Variants in MEGF10 observed in about 807,000 individuals in gnomAD.
The protein encoded by MEGF10 is multiple EGF like domains 10.
In MEGF10, 86 loss-of-function variants were observed where a neutral mutation model predicts 147.5. That is an observed-to-expected ratio of 0.58 (90% CI 0.49 to 0.70). The LOEUF (loss-of-function observed/expected upper bound fraction) is 0.70. Among genes scored for constraint, MEGF10 ranks in the 30% least tolerant of loss-of-function variants. The pLI is 0.00. For missense variants in MEGF10, 1,329 were observed against 1,487.3 expected (o/e 0.89, Z 1.75); for synonymous variants, 478 against 525.5 (o/e 0.91, Z 1.24).
At chr5:127,307,876 G>A (rs561147769) in intron 1 of MEGF10, among the ~76,000 whole-genome samples, 2 of 152,360 alleles carry the variant, frequency 1.3e-5, no homozygotes, top group African/African-American at 4.8e-5. Context: ...GGAGTGTGGT[G>A]TGTAAACCCC....
the MEGF10 span, among the ~76,000 whole-genome samples, chr5:127,240,536 A>G: frequency 1.3e-5 from 2 of 152,178 alleles, no homozygotes; most frequent in Non-Finnish European, 2.9e-5. Context: ...CTTCAAAAGG[A>G]CAGGTGATTG....
intron 1 of MEGF10, among the ~76,000 whole-genome samples, chr5:127,309,077 G>A (rs1422315): frequency 6.6e-6 from 1 of 151,768 alleles, no homozygotes; most frequent in Admixed American, 6.6e-5. Context: ...ATTATGTTTT[G>A]CCTCCTTCCA....
At chr5:127,296,732 A>G (rs1759519178) in intron 1 of MEGF10, among the ~76,000 whole-genome samples, 1 of 152,204 alleles carries the variant, frequency 6.6e-6, no homozygotes, top group Non-Finnish European at 1.5e-5. Context: ...AAACTAAAAC[A>G]CACAAATTTA....
chr5:127,369,810 T>G, intron 4 of MEGF10, 100 bp from the exon 5 acceptor site: 2 of 882,798 alleles, frequency 2.3e-6, no homozygotes, highest in Non-Finnish European at 3.5e-6. Flanking sequence ...ATGCATGTTG[T>G]TTTTAAGTGA....
chr5:127,422,647 C>T, intron 12 of MEGF10, 23 bp from the exon 13 acceptor site: 1 of 1,604,616 alleles, frequency 6.2e-7, no homozygotes, highest in Non-Finnish European at 8.5e-7. Context: ...TCATTGCTGC[C>T]TTTGATGCTG....
chr5:127,382,104 G>T (rs891486849), intron 5 of MEGF10, among the ~76,000 whole-genome samples: 1 of 152,148 alleles, frequency 6.6e-6, no homozygotes, highest in Admixed American at 6.5e-5. Flanking sequence ...AAAAGCTAAT[G>T]ACTCTTTTTC....
chr5:127,399,912 T>C (rs1434427698), intron 7 of MEGF10, among the ~76,000 whole-genome samples: 1 of 152,224 alleles, frequency 6.6e-6, no homozygotes, highest in African/African-American at 2.4e-5. Context: ...TTTTTCCAGA[T>C]TTTGATCTTA....
the MEGF10 span, among the ~76,000 whole-genome samples, chr5:127,256,396 C>T: frequency 9.0e-3 from 1,365 of 152,186 alleles, 17 homozygotes; most frequent in African/African-American, 0.031. Flanking sequence ...GTCGTTTTGA[C>T]CAAAGGAGAT....
At chr5:127,392,177 A>G (rs993586590) in intron 5 of MEGF10, among the ~76,000 whole-genome samples, 2 of 152,198 alleles carry the variant, frequency 1.3e-5, no homozygotes, top group Non-Finnish European at 2.9e-5. Flanking sequence ...GGACAGGTCT[A>G]CTATCTCTCC....
chr5:127,289,625 A>C (rs1287052250), upstream of MEGF10, among the ~76,000 whole-genome samples: 2 of 152,198 alleles, frequency 1.3e-5, no homozygotes, highest in African/African-American at 4.8e-5. Flanking sequence ...TCCCCTGTGT[A>C]TTTCCAGGGA....
intron 21 of MEGF10, among the ~76,000 whole-genome samples, chr5:127,447,917 T>G (rs1380481918): frequency 2.0e-5 from 3 of 152,108 alleles, no homozygotes; most frequent in African/African-American, 7.2e-5. Flanking sequence ...CGATAATGAG[T>G]GAGGCAGCTG....
upstream of MEGF10, among the ~76,000 whole-genome samples, chr5:127,288,833 C>G (rs938808373): frequency 6.6e-6 from 1 of 152,192 alleles, no homozygotes; most frequent in African/African-American, 2.4e-5. Flanking sequence ...CAATGTCCAT[C>G]ATTTGGTAAA....
At chr5:127,428,141 ATTTTTTTTT>A (rs66935934) in intron 13 of MEGF10, among the ~76,000 whole-genome samples, 34 of 103,568 alleles carry the variant, frequency 3.3e-4, no homozygotes, top group East Asian at 7.7e-4. Context: ...GGTGTCTGGT[ATTTTTTTTT>A]TTTTTTTTTT....
At chr5:127,377,523 T>C (rs1174205568) in intron 5 of MEGF10, among the ~76,000 whole-genome samples, 1 of 152,156 alleles carries the variant, frequency 6.6e-6, no homozygotes, top group African/African-American at 2.4e-5. Context: ...GTAGTGAAAA[T>C]ATCCCTAGGA....
Position 127,422,745 on chromosome 5 carries a change from C to A in MEGF10, c.1666C>A (p.His556Asn). ...HADGCHPTTG[H>N]CRCLPGWSGV... ...AGATGGCTGCCACCCTACCACGGGC[C>A]ATTGCCGCTGCCTCCCCGGATGGTC... Residue 556 changes from histidine to asparagine, a missense_variant, in exon 13 of 25, where the codon CAT becomes AAT. His to Asn is a moderately conservative substitution (Grantham distance 68, BLOSUM62 1). Coordinates refer to ENST00000503335, the MANE Select transcript of MEGF10 (RefSeq NM_001256545.2). 2.5e-6 allele frequency: 4 copies of A among 1,614,118 alleles called. No individual in the cohort carries two copies. The highest frequency in any genetic ancestry group is 3.4e-6 in the Non-Finnish European group (4 of 1,179,976).
At position 127,402,666 on chromosome 5, in the gene MEGF10, G is replaced by A. The variant is rs746969801; in HGVS notation, c.901G>A (p.Gly301Arg). ...AATGQCHCSPGYTGERCQDEC... is the reference protein window; with the variant it reads ...AATGQCHCSPRYTGERCQDEC... ...CACAGGCCAATGTCATTGCAGTCCA[G>A]GATACACAGGGGAACGGTAAGGGAT... The change falls in exon 8 of 25, where the codon GGA becomes AGA. Residue 301 changes from glycine to arginine, a missense_variant. By Grantham distance (125) the Gly-to-Arg change is moderately radical. Transcript: ENST00000503335. 6.2e-7 allele frequency: 1 copy of A among 1,613,958 alleles called. No homozygotes were observed. The highest frequency in any genetic ancestry group is 8.5e-7 in the Non-Finnish European group (1 of 1,179,942).
At chr5:127,333,814 C>G (rs1048210510) in intron 2 of MEGF10, among the ~76,000 whole-genome samples, 2 of 152,096 alleles carry the variant, frequency 1.3e-5, no homozygotes, top group African/African-American at 4.8e-5. Flanking sequence ...GTGAGAAAGA[C>G]AGATAGACAA....
chr5:127,433,724 A>C (rs934232336), intron 14 of MEGF10, among the ~76,000 whole-genome samples: 1 of 152,240 alleles, frequency 6.6e-6, no homozygotes, highest in African/African-American at 2.4e-5. Context: ...ATGGGGATTT[A>C]ACCATTTCTT....
chr5:127,309,994 T>TTCC (rs1760204660), intron 1 of MEGF10, among the ~76,000 whole-genome samples: 2 of 56,814 alleles, frequency 3.5e-5, no homozygotes, highest in Non-Finnish European at 8.4e-5. Flanking sequence ...TCTTTCTTTC[T>TTCC]TTCCTTCCTT....
Sources: allele counts gnomAD v4.1 joint callset (sites outside exome capture counted in the v4.1 genomes callset), GRCh38; gene constraint gnomAD v4.1.1; transcripts MANE v1.5; gene names NCBI Gene and HGNC (gene_info 2026-07-23, HGNC 2026-07-21).